OR14A2: variants seen among roughly 807,000 people sequenced by gnomAD.
The protein encoded by OR14A2 is olfactory receptor 14A2.
For synonymous variants in OR14A2, 114 were observed against 58.6 expected (o/e 1.95, Z -4.32); for missense variants, 237 against 152.9 (o/e 1.55, Z -2.90).
the OR14A2 span, among the ~76,000 whole-genome samples, chr1:247,742,276 A>C: frequency 0.018 from 2,535 of 138,860 alleles, 79 homozygotes; most frequent in African/African-American, 0.066. Flanking sequence ...ATACACACAC[A>C]CACGCACACA....
exon 1 of OR14A2, chr1:247,723,676 G>A: frequency 1.4e-6 from 1 of 718,678 alleles, no homozygotes; most frequent in Non-Finnish European, 2.6e-6. Flanking sequence ...ACAGCAGATG[G>A]CTACATAGCG....
the OR14A2 span, chr1:247,739,663 T>C: frequency 3.2e-6 from 2 of 615,548 alleles, no homozygotes; most frequent in Admixed American, 3.0e-5. Flanking sequence ...CATGGAGTCT[T>C]GCTACTGATA....
At chr1:247,747,548 G>A in the OR14A2 span, among the ~76,000 whole-genome samples, 2 of 152,058 alleles carry the variant, frequency 1.3e-5, no homozygotes, top group South Asian at 4.2e-4. Context: ...ATTTTTGGTA[G>A]AGAGGGGGTT....
the OR14A2 span, among the ~76,000 whole-genome samples, chr1:247,730,326 T>A: frequency 2.6e-5 from 4 of 152,186 alleles, no homozygotes; most frequent in African/African-American, 9.6e-5. Context: ...TAGTCATATA[T>A]AACCTGCCTA....
At chr1:247,739,286 A>G in the OR14A2 span, 1 of 780,806 alleles carries the variant, frequency 1.3e-6, no homozygotes, top group African/African-American at 1.7e-5. Flanking sequence ...CTGCTGTGTT[A>G]AGGATATCAC....
the OR14A2 span, among the ~76,000 whole-genome samples, chr1:247,745,681 C>A: frequency 5.3e-5 from 8 of 151,494 alleles, no homozygotes; most frequent in East Asian, 1.9e-4. Flanking sequence ...CAATAAAAAT[C>A]AAAAATATAG....
chr1:247,742,879 A>G, the OR14A2 span, among the ~76,000 whole-genome samples: 7 of 152,216 alleles, frequency 4.6e-5, no homozygotes, highest in African/African-American at 1.7e-4. Context: ...GAATTCTACA[A>G]TTAAAAGTAA....
upstream of OR14A2, among the ~76,000 whole-genome samples, chr1:247,728,325 C>G (rs1357349059): frequency 1.3e-5 from 2 of 152,038 alleles, no homozygotes; most frequent in African/African-American, 4.8e-5. Context: ...ACAAAAACCA[C>G]ATGATTATCT....
chr1:247,723,782 T>C (rs1174511546), exon 1 of OR14A2: 2 of 717,916 alleles, frequency 2.8e-6, no homozygotes, highest in Non-Finnish European at 5.2e-6. Context: ...GAAATGGAAT[T>C]GTTGTGGGTT....
At chr1:247,739,465 A>T in the OR14A2 span, 8 of 780,532 alleles carry the variant, frequency 1.0e-5, no homozygotes, top group Admixed American at 5.1e-5. Context: ...CCAACCTTGA[A>T]CCCTGTTATC....
chr1:247,729,269 G>A, the OR14A2 span, among the ~76,000 whole-genome samples: 2 of 152,014 alleles, frequency 1.3e-5, no homozygotes, highest in Non-Finnish European at 2.9e-5. Context: ...TGTTTCCAAC[G>A]TAGGTCCAGA....
At chr1:247,740,628 T>C in the OR14A2 span, among the ~76,000 whole-genome samples, 16 of 152,222 alleles carry the variant, frequency 1.1e-4, no homozygotes, top group African/African-American at 3.6e-4. Context: ...TCTAACATTG[T>C]GATAAATTAT....
chr1:247,729,037 T>C (rs1426909927), upstream of OR14A2, among the ~76,000 whole-genome samples: 1 of 152,252 alleles, frequency 6.6e-6, no homozygotes, highest in East Asian at 1.9e-4. Flanking sequence ...ACTACCACAA[T>C]GAGGAAGACT....
the OR14A2 span, among the ~76,000 whole-genome samples, chr1:247,731,487 C>T: frequency 6.6e-6 from 1 of 151,910 alleles, no homozygotes; most frequent in Non-Finnish European, 1.5e-5. Context: ...TGTTTTTTAG[C>T]ACCTTGTACC....
the OR14A2 span, among the ~76,000 whole-genome samples, chr1:247,732,052 G>T: frequency 1.3e-5 from 2 of 152,054 alleles, no homozygotes; most frequent in Non-Finnish European, 2.9e-5. Context: ...TATTTCATTT[G>T]CAGTAGCTTC....
At chr1:247,733,984 G>A in the OR14A2 span, among the ~76,000 whole-genome samples, 1 of 152,060 alleles carries the variant, frequency 6.6e-6, no homozygotes. Context: ...CTGTTACATG[G>A]TATTAAAAAA....
At chr1:247,735,920 A>G in the OR14A2 span, among the ~76,000 whole-genome samples, 1 of 152,182 alleles carries the variant, frequency 6.6e-6, no homozygotes, top group Non-Finnish European at 1.5e-5. Context: ...TTACTTAGAC[A>G]TTTCATTTTT....
chr1:247,742,227 G>T, the OR14A2 span, among the ~76,000 whole-genome samples: 1 of 151,990 alleles, frequency 6.6e-6, no homozygotes, highest in Non-Finnish European at 1.5e-5. Flanking sequence ...TTTCCAGTCT[G>T]GTTTTCTTAT....
At chr1:247,735,994 C>T in the OR14A2 span, among the ~76,000 whole-genome samples, 4 of 151,262 alleles carry the variant, frequency 2.6e-5, no homozygotes, top group African/African-American at 7.4e-5. Context: ...GCATTCTCAC[C>T]GGCCTTTGTT....
Sources: allele counts gnomAD v4.1 joint callset (sites outside exome capture counted in the v4.1 genomes callset), GRCh38; gene constraint gnomAD v4.1.1; transcripts MANE v1.5; gene names NCBI Gene and HGNC (gene_info 2026-07-23, HGNC 2026-07-21).